Variants in CTNNA3 observed in about 807,000 individuals in gnomAD.
CTNNA3 encodes catenin alpha-3.
Under a neutral mutation model 95.7 loss-of-function variants are expected in CTNNA3, and 76 were observed. The ratio of observed to expected loss-of-function variants is 0.79; its 90% CI spans 0.66 to 0.96. The LOEUF (loss-of-function observed/expected upper bound fraction) is 0.96, where lower values mean the gene tolerates loss of function less well. Among genes scored for constraint, CTNNA3 ranks in the 40% least tolerant of loss-of-function variants. The pLI is 0.00. For synonymous variants in CTNNA3, 431 were observed against 374.4 expected (o/e 1.15, Z -1.74); for missense variants, 1,191 against 1,089.8 (o/e 1.09, Z -1.31).
At chr10:66,312,122 T>G (rs1419373165) in intron 12 of CTNNA3, among the ~76,000 whole-genome samples, 3 of 152,200 alleles carry the variant, frequency 2.0e-5, no homozygotes, top group African/African-American at 7.2e-5. Context: ...TTCATCTAAT[T>G]AATTGAAATA....
chr10:67,455,154 C>T (rs1191383957), intron 5 of CTNNA3, among the ~76,000 whole-genome samples: 2 of 152,104 alleles, frequency 1.3e-5, no homozygotes, highest in African/African-American at 4.8e-5. Context: ...TCAATTTTAA[C>T]ATGCACATTT....
intron 7 of CTNNA3, among the ~76,000 whole-genome samples, chr10:67,162,761 A>G (rs1043889707): frequency 9.9e-5 from 15 of 151,934 alleles, no homozygotes; most frequent in Admixed American, 6.6e-5. Context: ...TAGAAAAATT[A>G]ACAAAAATAA....
At chr10:66,527,402 T>G (rs1841306865) in intron 10 of CTNNA3, among the ~76,000 whole-genome samples, 1 of 152,182 alleles carries the variant, frequency 6.6e-6, no homozygotes, top group Non-Finnish European at 1.5e-5. Context: ...TCCCTTGAGA[T>G]TCCATATGAA....
chr10:67,137,805 C>A (rs1223546725), intron 7 of CTNNA3, among the ~76,000 whole-genome samples: 7 of 151,858 alleles, frequency 4.6e-5, no homozygotes, highest in African/African-American at 1.7e-4. Flanking sequence ...CCACCCTAGC[C>A]CTGCCAATGT....
intron 14 of CTNNA3, among the ~76,000 whole-genome samples, chr10:66,099,643 C>T (rs559613992): frequency 5.9e-5 from 9 of 152,064 alleles, no homozygotes; most frequent in Admixed American, 2.6e-4. Context: ...ACTCACAAGG[C>T]AGATATAATG....
intron 2 of CTNNA3, among the ~76,000 whole-genome samples, chr10:67,643,521 A>C (rs1839607368): frequency 6.6e-6 from 1 of 151,980 alleles, no homozygotes; most frequent in African/African-American, 2.4e-5. Context: ...CTTTTCAAAT[A>C]AACAGGTTAC....
At chr10:66,919,136 A>T (rs1421332816) in intron 7 of CTNNA3, among the ~76,000 whole-genome samples, 6 of 56,764 alleles carry the variant, frequency 1.1e-4, no homozygotes, top group African/African-American at 3.1e-4. Context: ...CTCTGTCTTA[A>T]AAAAAAAAAA....
At chr10:66,524,851 A>T (rs991144644) in intron 10 of CTNNA3, among the ~76,000 whole-genome samples, 2 of 152,080 alleles carry the variant, frequency 1.3e-5, no homozygotes, top group African/African-American at 2.4e-5. Flanking sequence ...GGAGTGCGAG[A>T]CCAGACTGAC....
intron 13 of CTNNA3, among the ~76,000 whole-genome samples, chr10:66,168,087 G>A (rs920142369): frequency 1.1e-4 from 16 of 152,130 alleles, no homozygotes; most frequent in African/African-American, 3.6e-4. Context: ...CTTAAGGCTG[G>A]ACATGATCTC....
At chr10:67,370,818 T>A (rs908928606) in intron 5 of CTNNA3, among the ~76,000 whole-genome samples, 73 of 152,098 alleles carry the variant, frequency 4.8e-4, no homozygotes, top group Non-Finnish European at 2.1e-4. Flanking sequence ...AAGAAACTTG[T>A]TTGCATTACA....
At chr10:66,769,334 T>C (rs1480664849) in intron 8 of CTNNA3, among the ~76,000 whole-genome samples, 1 of 152,168 alleles carries the variant, frequency 6.6e-6, no homozygotes, top group African/African-American at 2.4e-5. Flanking sequence ...CAGGGATGTA[T>C]CTCTCCCACT....
At chr10:66,277,612 C>G (rs1348260375) in intron 13 of CTNNA3, among the ~76,000 whole-genome samples, 4 of 152,040 alleles carry the variant, frequency 2.6e-5, no homozygotes, top group Non-Finnish European at 4.4e-5. Flanking sequence ...TATGCTATAA[C>G]CCAGTTAGCG....
chr10:66,146,503 A>T (rs1210936095), intron 13 of CTNNA3, among the ~76,000 whole-genome samples: 1 of 152,156 alleles, frequency 6.6e-6, no homozygotes, highest in Non-Finnish European at 1.5e-5. Flanking sequence ...ACAATTACAG[A>T]CAATAGGATA....
At chr10:66,314,918 T>C (rs1166924399) in intron 12 of CTNNA3, among the ~76,000 whole-genome samples, 1 of 152,068 alleles carries the variant, frequency 6.6e-6, no homozygotes, top group African/African-American at 2.4e-5. Context: ...AGTGCAAAAA[T>C]AAGTCCCCTT....
intron 5 of CTNNA3, among the ~76,000 whole-genome samples, chr10:67,498,371 G>T (rs182470595): frequency 4.0e-4 from 61 of 152,288 alleles, no homozygotes; most frequent in Admixed American, 1.5e-3. Context: ...GTAGTGTGGT[G>T]CTTCCAGCTT....
intron 9 of CTNNA3, among the ~76,000 whole-genome samples, chr10:66,660,062 T>C (rs571152544): frequency 1.1e-4 from 16 of 152,052 alleles, no homozygotes; most frequent in Non-Finnish European, 2.2e-4. Context: ...TCTTAAAAGA[T>C]CCTTCTGCCT....
At chr10:66,060,306 T>A (rs1564610739) in intron 15 of CTNNA3, among the ~76,000 whole-genome samples, 2 of 152,064 alleles carry the variant, frequency 1.3e-5, no homozygotes, top group Non-Finnish European at 2.9e-5. Context: ...TAATCTAATA[T>A]CTAACTCTCA....
chr10:66,043,956 C>CTGTG (rs59559225), intron 15 of CTNNA3, among the ~76,000 whole-genome samples: 3,642 of 144,390 alleles, frequency 0.025, 41 homozygotes, highest in Admixed American at 0.049. Context: ...TAGGACTATG[C>CTGTG]TGTGTGTGTG....
At chr10:66,234,836 C>T (rs963489266) in intron 13 of CTNNA3, among the ~76,000 whole-genome samples, 6 of 152,102 alleles carry the variant, frequency 3.9e-5, no homozygotes, top group Non-Finnish European at 7.4e-5. Context: ...GAGGTATTTC[C>T]GAGATTACCT....
Sources: allele counts gnomAD v4.1 joint callset (sites outside exome capture counted in the v4.1 genomes callset), GRCh38; gene constraint gnomAD v4.1.1; transcripts MANE v1.5; gene names NCBI Gene and HGNC (gene_info 2026-07-23, HGNC 2026-07-21).